Variants in CDK13 observed in about 807,000 individuals in gnomAD.
CDK13 encodes cyclin-dependent kinase 13.
In CDK13, 40 loss-of-function variants were observed where a neutral mutation model predicts 137.6. That is an observed-to-expected ratio of 0.29 (90% CI 0.23 to 0.38). The LOEUF is 0.38. Among genes scored for constraint, CDK13 ranks in the 10% least tolerant of loss-of-function variants. The pLI is 1.00. For missense variants in CDK13, 1,704 were observed against 1,951.8 expected (o/e 0.87, Z 2.39); for synonymous variants, 869 against 760.1 (o/e 1.14, Z -2.36).
chr7:40,052,552 C>T (rs767257441), intron 7 of CDK13, among the ~76,000 whole-genome samples: 10 of 152,138 alleles, frequency 6.6e-5, no homozygotes, highest in Non-Finnish European at 1.3e-4. Flanking sequence ...AAGCATACTA[C>T]ATTTCCATAT....
chr7:40,045,466 T>C (rs1785714996), intron 5 of CDK13, among the ~76,000 whole-genome samples: 1 of 151,670 alleles, frequency 6.6e-6, no homozygotes. Context: ...AAGCAGTTCT[T>C]TTACCAACTT....
intron 7 of CDK13, among the ~76,000 whole-genome samples, chr7:40,057,418 G>A (rs528430001): frequency 2.0e-5 from 3 of 152,296 alleles, no homozygotes; most frequent in Non-Finnish European, 4.4e-5. Flanking sequence ...GCTGGTGCCA[G>A]AGGTGAGAAA....
chr7:40,076,159 A>C (rs552834254), intron 9 of CDK13, among the ~76,000 whole-genome samples: 2 of 152,252 alleles, frequency 1.3e-5, no homozygotes, highest in Admixed American at 1.3e-4. Flanking sequence ...TTATACTTCT[A>C]TTATAGTGCA....
chr7:39,960,387 C>T (rs1033197059), intron 1 of CDK13, among the ~76,000 whole-genome samples: 1 of 151,650 alleles, frequency 6.6e-6, no homozygotes, highest in African/African-American at 2.4e-5. Context: ...TCGCGAGTAG[C>T]TGGGACTACA....
chr7:40,092,404 G>A (rs1786945051), intron 12 of CDK13: 1 of 167,626 alleles, frequency 6.0e-6, no homozygotes, highest in South Asian at 1.5e-4. Context: ...TAAGGTTGTT[G>A]TAAGGAATAA....
intron 7 of CDK13, among the ~76,000 whole-genome samples, chr7:40,050,467 C>T (rs1785862071): frequency 6.6e-6 from 1 of 152,238 alleles, no homozygotes; most frequent in African/African-American, 2.4e-5. Flanking sequence ...TCTCAGCTCA[C>T]TGCAACCTCC....
intron 11 of CDK13, among the ~76,000 whole-genome samples, chr7:40,081,370 A>G (rs529135373): frequency 1.3e-5 from 2 of 152,272 alleles, no homozygotes; most frequent in East Asian, 3.9e-4. Context: ...AAGTAGAGCA[A>G]TTATATCACT....
chr7:39,950,352 C>G lies in CDK13; in HGVS notation c.-290C>G. On this transcript the variant is annotated 5_prime_UTR_variant, in exon 1 of 14. Transcript: ENST00000181839. ...GACTCGGGACTCCCCCGCAGGTCAG[C>G]GCCCGGCGCATCTGGTGTTTTCGCT... 8.5e-7 allele frequency: 1 copy of G among 1,181,912 alleles called. No homozygotes were observed. The highest frequency in any genetic ancestry group is 1.0e-6 in the Non-Finnish European group (1 of 956,480). 73.2% of individuals were successfully genotyped at this position (1,181,912 alleles called of 1,614,324 possible). A position where few individuals can be genotyped will look rare whatever the true frequency, so the allele number is the denominator to read the frequency against.
chr7:39,998,442 CCAAAAAAAAAAAAAAAAAA>C (rs1180726352), intron 3 of CDK13: 3 of 72,618 alleles, frequency 4.1e-5, no homozygotes, highest in Non-Finnish European at 7.3e-5. Context: ...CCCATCTCTA[CCAAAAAAAAAAAAAAAAAA>C]AAAAAAAAAA....
At chr7:39,971,705 A>G (rs187026261) in intron 1 of CDK13, among the ~76,000 whole-genome samples, 3,340 of 152,028 alleles carry the variant, frequency 0.022, 65 homozygotes, top group Non-Finnish European at 0.031. Flanking sequence ...CAATATGGTG[A>G]AACTCTGTCT....
At chr7:39,984,135 C>T (rs1049933828) in intron 1 of CDK13, 2 of 152,198 alleles carry the variant, frequency 1.3e-5, no homozygotes, top group Non-Finnish European at 2.9e-5. Context: ...CGGAAATTTT[C>T]AGTGTCCAGG....
chr7:40,029,059 G>GA (rs755095370), intron 5 of CDK13, among the ~76,000 whole-genome samples: 64 of 151,746 alleles, frequency 4.2e-4, no homozygotes, highest in Non-Finnish European at 5.7e-4. Context: ...AAATATATTG[G>GA]AAAATTTTTT....
intron 7 of CDK13, chr7:40,049,105 G>A (rs924389797): frequency 1.6e-5 from 2 of 126,506 alleles, no homozygotes; most frequent in East Asian, 2.6e-4. Flanking sequence ...TGAGGCACAA[G>A]AATCACTTAA....
intron 1 of CDK13, among the ~76,000 whole-genome samples, chr7:39,983,836 C>T (rs112702950): frequency 1.6e-3 from 250 of 152,202 alleles, no homozygotes; most frequent in African/African-American, 5.9e-3. Flanking sequence ...TAAAGTTAAC[C>T]AAGTTATTTC....
At chr7:40,088,023 A>C in intron 11 of CDK13, 103 bp from the exon 12 acceptor site, 1 of 869,000 alleles carries the variant, frequency 1.2e-6, no homozygotes, top group Non-Finnish European at 1.8e-6. Flanking sequence ...TGAAGTCTTC[A>C]AGAACTATTT....
chr7:40,043,745 C>G (rs1785667188), intron 5 of CDK13, among the ~76,000 whole-genome samples: 1 of 151,576 alleles, frequency 6.6e-6, no homozygotes, highest in South Asian at 2.1e-4. Context: ...AGGAAGATCA[C>G]TTGAGCTCAG....
At chr7:39,953,535 A>G (rs553876105) in intron 1 of CDK13, among the ~76,000 whole-genome samples, 2 of 152,322 alleles carry the variant, frequency 1.3e-5, no homozygotes, top group East Asian at 3.9e-4. Flanking sequence ...ATATACATAT[A>G]TGAAATATAT....
intron 12 of CDK13, among the ~76,000 whole-genome samples, chr7:40,090,674 C>T (rs192758234): frequency 6.1e-5 from 9 of 148,676 alleles, no homozygotes; most frequent in East Asian, 2.2e-4. Flanking sequence ...TGCTTATGTT[C>T]GGGATTTCGA....
At chr7:39,982,910 G>A (rs899664634) in intron 1 of CDK13, among the ~76,000 whole-genome samples, 13 of 151,992 alleles carry the variant, frequency 8.6e-5, no homozygotes, top group South Asian at 8.3e-4. Flanking sequence ...TAGATTCTGG[G>A]TATTAGCCCT....
Sources: allele counts gnomAD v4.1 joint callset (sites outside exome capture counted in the v4.1 genomes callset), GRCh38; gene constraint gnomAD v4.1.1; transcripts MANE v1.5; gene names NCBI Gene and HGNC (gene_info 2026-07-23, HGNC 2026-07-21).